Variants in RNGTT observed in about 807,000 individuals in gnomAD.
The protein encoded by RNGTT is RNA guanylyltransferase and 5'-phosphatase.
In RNGTT, 33 loss-of-function variants were observed where a neutral mutation model predicts 79.3. That is an observed-to-expected ratio of 0.42 (90% CI 0.32 to 0.56). RNGTT has a LOEUF of 0.56. RNGTT is among the 20% of genes least tolerant of loss of function. The pLI, the probability that RNGTT is intolerant of heterozygous loss-of-function variation, is 0.17. For missense variants in RNGTT, 497 were observed against 739.1 expected (o/e 0.67, Z 3.80); for synonymous variants, 222 against 235.9 (o/e 0.94, Z 0.54).
intron 11 of RNGTT, among the ~76,000 whole-genome samples, chr6:88,812,266 T>A (rs960872858): frequency 6.6e-6 from 1 of 152,210 alleles, no homozygotes; most frequent in Non-Finnish European, 1.5e-5. Flanking sequence ...GCATAATAAT[T>A]CTGGTGAATC....
chr6:88,681,107 G>A (rs1455034679), intron 13 of RNGTT, among the ~76,000 whole-genome samples: 1 of 152,058 alleles, frequency 6.6e-6, no homozygotes, highest in Non-Finnish European at 1.5e-5. Context: ...TATAACAAAT[G>A]TTCACAGAAA....
intron 6 of RNGTT, among the ~76,000 whole-genome samples, chr6:88,898,209 G>A (rs1471199431): frequency 1.3e-5 from 2 of 152,104 alleles, no homozygotes; most frequent in Non-Finnish European, 2.9e-5. Flanking sequence ...TTACCAGTCT[G>A]ACCCAGCCCT....
At position 88,853,673 on chromosome 6, in the gene RNGTT, G is replaced by A. The variant is rs1341200046; in HGVS notation, c.988C>T (p.Arg330Cys). The A allele has an allele frequency of 1.9e-6, 3 of 1,598,754 alleles. No individual in the cohort carries two copies. The highest frequency in any genetic ancestry group is 2.6e-6 in the Non-Finnish European group (3 of 1,169,712). ...FHVSNLEFPFRKDLRMHLSNT... is the reference protein window; with the variant it reads ...FHVSNLEFPFCKDLRMHLSNT... The stretch of plus-strand genomic sequence containing the variant: ...GATAAATGCATACGAAGATCTTTAC[G>A]AAATGGAAATTCCAGATTTGAAACA... Residue 330 changes from arginine (R) to cysteine (C), a missense_variant, in exon 9 of 16, where the codon CGT (arginine) becomes TGT (cysteine). Physicochemically the swap from Arg to Cys is radical, Grantham distance 180. Transcript: ENST00000369485.
intron 11 of RNGTT, among the ~76,000 whole-genome samples, chr6:88,828,945 C>A (rs1482307575): frequency 6.6e-6 from 1 of 152,062 alleles, no homozygotes; most frequent in South Asian, 2.1e-4. Context: ...GAGAATGGAA[C>A]CAAGATGGAA....
intron 13 of RNGTT, among the ~76,000 whole-genome samples, chr6:88,707,279 A>C (rs1470422607): frequency 6.6e-6 from 1 of 151,960 alleles, no homozygotes; most frequent in Non-Finnish European, 1.5e-5. Flanking sequence ...TGTGTGAAGA[A>C]AAAAAAAGTA....
chr6:88,840,571 G>C (rs1781250009), intron 11 of RNGTT, among the ~76,000 whole-genome samples: 2 of 151,990 alleles, frequency 1.3e-5, no homozygotes, highest in African/African-American at 4.8e-5. Flanking sequence ...TAATTTTCTA[G>C]TATTTTTTGT....
At chr6:88,796,860 G>A (rs898386569) in intron 12 of RNGTT, among the ~76,000 whole-genome samples, 6 of 151,974 alleles carry the variant, frequency 3.9e-5, no homozygotes, top group African/African-American at 1.5e-4. Flanking sequence ...TATAACTTAC[G>A]AGATAAAGTT....
intron 14 of RNGTT, among the ~76,000 whole-genome samples, chr6:88,649,107 G>T (rs1773695370): frequency 6.6e-6 from 1 of 152,132 alleles, no homozygotes; most frequent in African/African-American, 2.4e-5. Context: ...TTCTCTTAAA[G>T]TCACAGTTTC....
At chr6:88,879,686 G>A (rs372046801) in intron 8 of RNGTT, among the ~76,000 whole-genome samples, 1 of 152,006 alleles carries the variant, frequency 6.6e-6, no homozygotes, top group East Asian at 1.9e-4. Flanking sequence ...TACAATTAAT[G>A]GGAAGAAATC....
In RNGTT at chr6:88,697,990, T is replaced by C. The variant is rs1775753267; in HGVS notation, c.1440-19571A>G. On this transcript the variant is annotated intron_variant, in intron 13 of 15. Transcript: ENST00000369485. ...ATGAAATACATATATATGATATATA[T>C]ATGAAATACATATATGATATATATA... Among the ~76,000 whole-genome samples, 2 of 104,454 alleles carry C rather than the reference T, an allele frequency of 1.9e-5. 1 individual carries two copies. The highest frequency in any genetic ancestry group is 1.9e-4 in the Admixed American group (2 of 10,444). The allele number at this position is 104,454 out of a possible 152,430, so 68.5% of individuals were successfully genotyped here.
intron 13 of RNGTT, 57 bp from the exon 14 acceptor site, chr6:88,678,476 A>G: frequency 1.7e-6 from 2 of 1,162,892 alleles, no homozygotes; most frequent in Non-Finnish European, 2.2e-6. Flanking sequence ...ATAAGGTTGT[A>G]TAATTATCAA....
intron 13 of RNGTT, among the ~76,000 whole-genome samples, chr6:88,679,252 G>A (rs1028117057): frequency 3.3e-5 from 5 of 152,130 alleles, no homozygotes; most frequent in African/African-American, 4.8e-5. Flanking sequence ...GGAAAGTAGC[G>A]GAATAAAGGT....
chr6:88,939,168 A>C (rs1784766222), intron 2 of RNGTT, among the ~76,000 whole-genome samples: 1 of 152,178 alleles, frequency 6.6e-6, no homozygotes, highest in Admixed American at 6.5e-5. Context: ...AGAAAGTTTT[A>C]ATCTATTATT....
chr6:88,789,473 T>C (rs1779334309), intron 12 of RNGTT, among the ~76,000 whole-genome samples: 1 of 152,122 alleles, frequency 6.6e-6, no homozygotes, highest in Non-Finnish European at 1.5e-5. Context: ...GGCAGGAGAA[T>C]CATTTGAACC....
intron 11 of RNGTT, among the ~76,000 whole-genome samples, chr6:88,841,244 C>T (rs771807667): frequency 1.3e-5 from 2 of 152,084 alleles, no homozygotes; most frequent in African/African-American, 2.4e-5. Context: ...AAGATCATAG[C>T]GGCAGAGGTC....
At chr6:88,906,310 T>C (rs2127943381) in intron 5 of RNGTT, 55 bp downstream of exon 5, 2 of 1,167,030 alleles carry the variant, frequency 1.7e-6, no homozygotes, top group Non-Finnish European at 2.4e-6. Flanking sequence ...AACTAAAATA[T>C]CAATAAAATT....
chr6:88,780,992 A>T (rs555045586), intron 12 of RNGTT, among the ~76,000 whole-genome samples: 15 of 152,310 alleles, frequency 9.8e-5, no homozygotes, highest in South Asian at 8.3e-4. Flanking sequence ...TGCTACTGCC[A>T]TCTAGTGGTT....
intron 14 of RNGTT, among the ~76,000 whole-genome samples, chr6:88,637,651 T>A (rs1278925570): frequency 1.3e-5 from 2 of 152,040 alleles, no homozygotes; most frequent in African/African-American, 4.8e-5. Context: ...GCTCGGTTTC[T>A]CGTGTCATGT....
chr6:88,728,772 C>A (rs892669328), intron 13 of RNGTT, among the ~76,000 whole-genome samples: 1 of 152,156 alleles, frequency 6.6e-6, no homozygotes, highest in African/African-American at 2.4e-5. Context: ...CCTTTTACAA[C>A]GGAAGAATTT....
Sources: allele counts gnomAD v4.1 joint callset (sites outside exome capture counted in the v4.1 genomes callset), GRCh38; gene constraint gnomAD v4.1.1; transcripts MANE v1.5; gene names NCBI Gene and HGNC (gene_info 2026-07-23, HGNC 2026-07-21).